Variants in SLC2A11 observed in about 807,000 individuals in gnomAD.
SLC2A11 encodes solute carrier family 2 member 11, also known as solute carrier family 2, facilitated glucose transporter member 11.
A neutral mutation model predicts 52.1 loss-of-function variants in SLC2A11; 43 were observed. That is an observed-to-expected ratio of 0.82 (90% CI 0.65 to 1.06). The LOEUF is 1.06. SLC2A11 is among the 50% of genes least tolerant of loss of function. SLC2A11 has a pLI of 0.00. For missense variants in SLC2A11, 582 were observed against 654.2 expected (o/e 0.89, Z 1.20); for synonymous variants, 261 against 277.6 (o/e 0.94, Z 0.59).
chr22:23,884,129 C>A lies in SLC2A11; in HGVS notation c.1171+105C>A. ...GTGAATGCAATGTCCCCTGCAGGCC[C>A]TCAGAGACCACCTCATGCCGGGGCT... On this transcript the variant is annotated intron_variant, in intron 10 of 11. Coordinates refer to ENST00000316185, the MANE Select transcript of SLC2A11 (RefSeq NM_001024939.4). The surrounding 1 kb of genome is among the most constrained non-coding windows in gnomAD (Gnocchi z 4.3). The A allele has an allele frequency of 6.6e-7, 1 of 1,518,738 alleles. No homozygotes were observed. The highest frequency in any genetic ancestry group is 2.3e-5 in the East Asian group (1 of 42,948). The allele number at this position is 1,518,738 out of a possible 1,614,324, so 94.1% of individuals were successfully genotyped here.
Position 23,884,988 on chromosome 22 carries a change from A to T in SLC2A11, c.*139A>T. The T allele has an allele frequency of 1.5e-6, 1 of 670,418 alleles. No individual in the cohort carries two copies. Among genetic ancestry groups the T allele is most frequent in the Non-Finnish European group, 2.5e-6 (1 of 396,564 alleles). 41.5% of individuals were successfully genotyped at this position (670,418 alleles called of 1,614,324 possible). On this transcript the variant is annotated 3_prime_UTR_variant, in exon 12 of 12. Transcript: ENST00000316185. The surrounding 1 kb of genome is among the most constrained non-coding windows in gnomAD (Gnocchi z 4.3). ...ACCCTTTGTGTGCAGACATGGCTCCAGGTGCTTAGCAATCAATGGTGAGCG... is the reference window on the plus strand; with the variant it reads ...ACCCTTTGTGTGCAGACATGGCTCCTGGTGCTTAGCAATCAATGGTGAGCG...
Position 23,884,790 on chromosome 22 carries a change from A to C in SLC2A11, c.1441A>C (p.Arg481=). Residue 481 remains arginine (R), a synonymous_variant, in exon 12 of 12, where the codon AGG becomes CGG. Transcript: ENST00000316185. The surrounding 1 kb of genome is among the most constrained non-coding windows in gnomAD (Gnocchi z 4.3). ...GGAATTACACAGACTCAACTTCCCC[A>C]GGCGGGCCCAGGGCCCCACGTGGAG... is the stretch of plus-strand genomic sequence containing the variant. ...SKELHRLNFP[R]RAQGPTWRSL... 1 of 1,614,190 alleles carries C rather than the reference A, an allele frequency of 6.2e-7. No individual in the cohort carries two copies.
rs944147096 is a variant in SLC2A11 at position 23,877,099 on chromosome 22, G to A, written c.473G>A (p.Arg158Gln). The stretch of plus-strand genomic sequence containing the variant: ...GGGGAGAGCGCCCCTAAGGAGCTCC[G>A]AGGAGCTGTGGCCATGAGCTCAGCC... ...YLGESAPKELRGAVAMSSAIF... is the reference protein window; with the variant it reads ...YLGESAPKELQGAVAMSSAIF... The change falls in exon 5 of 12, where the codon CGA becomes CAA. Residue 158 changes from arginine (R) to glutamine (Q), a missense_variant. By Grantham distance (43) the Arg-to-Gln change is conservative (BLOSUM62 1). Coordinates refer to ENST00000316185, the MANE Select transcript of SLC2A11 (RefSeq NM_001024939.4). 14 of 1,613,826 alleles carry A rather than the reference G, an allele frequency of 8.7e-6. No individual in the cohort carries two copies. In the African/African-American group the frequency reaches 9.3e-5, roughly 11 times the overall value.
intron 6 of SLC2A11, among the ~76,000 whole-genome samples, chr22:23,878,119 AAC>A (rs1244529119): frequency 2.6e-5 from 4 of 152,212 alleles, no homozygotes; most frequent in African/African-American, 4.8e-5. Flanking sequence ...GGTGCGGAGA[AAC>A]ACACGCGCAC....
intron 6 of SLC2A11, among the ~76,000 whole-genome samples, chr22:23,878,109 G>A (rs17004025): frequency 0.011 from 1,608 of 152,290 alleles, 31 homozygotes; most frequent in African/African-American, 0.036. Flanking sequence ...ACTCCAGAGC[G>A]GTGCGGAGAA....
chr22:23,868,505 A>T lies in SLC2A11; in HGVS notation c.154A>T (p.Thr52Ser). The T allele has an allele frequency of 1.2e-6, 2 of 1,614,174 alleles. No individual in the cohort carries two copies. Among genetic ancestry groups the T allele is most frequent in the Non-Finnish European group, 1.7e-6 (2 of 1,180,030 alleles). Residue 52 changes from threonine to serine, a missense_variant, in exon 3 of 12, where the codon ACA (threonine) becomes TCA (serine). Thr to Ser is a moderately conservative substitution (Grantham distance 58). Coordinates refer to ENST00000316185, the MANE Select transcript of SLC2A11 (RefSeq NM_001024939.4). ...TLHIQEFTNE[T>S]WQARTGEPLP... ...GCACATTCAGGAATTCACCAATGAG[A>T]CATGGCAGGCGCGTACTGGAGAGCC...
chr22:23,861,631 AT>A lies in SLC2A11; in HGVS notation c.31-472del, dbSNP rs200500107. Among the ~76,000 whole-genome samples, 1,033 of 152,192 alleles carry A rather than the reference AT, an allele frequency of 6.8e-3. 12 individuals carry two copies. Among genetic ancestry groups the A allele is most frequent in the African/African-American group, 0.024 (995 of 41,496 alleles). ...TCTTCTCTTAGCCTCATTGCAGAAC[AT>A]GCTGGTGGGAGGTAAGAGAGGTGGC... On this transcript the variant is annotated intron_variant, in intron 1 of 11. Coordinates refer to ENST00000316185, the MANE Select transcript of SLC2A11 (RefSeq NM_001024939.4).
At chr22:23,882,669 C>T (rs1338898758) in intron 7 of SLC2A11, 23 bp downstream of exon 7, 3 of 1,607,500 alleles carry the variant, frequency 1.9e-6, no homozygotes, top group Middle Eastern at 1.7e-4. Context: ...CCCCGCCGCA[C>T]ACCCTGGGCC....
At chr22:23,867,663 C>G in intron 2 of SLC2A11, 1 of 470,204 alleles carries the variant, frequency 2.1e-6, no homozygotes, top group Non-Finnish European at 4.4e-6. Flanking sequence ...GAATGTTCAG[C>G]CCCACTCACG....
In SLC2A11 at chr22:23,884,263, C is replaced by G; in HGVS notation, c.1172-39C>G. 1 of 1,591,628 alleles carries G rather than the reference C, an allele frequency of 6.3e-7. No individual in the cohort carries two copies. The highest frequency in any genetic ancestry group is 1.1e-5 in the South Asian group (1 of 88,128). The stretch of plus-strand genomic sequence containing the variant: ...GGGTCGGGGAGAGGCAGGCAGGGAA[C>G]CCTGGCCAGCAGCCCCCTGTCCCTG... On this transcript the variant is annotated intron_variant, in intron 10 of 11. Transcript: ENST00000316185. The surrounding 1 kb of genome is among the most constrained non-coding windows in gnomAD (Gnocchi z 4.3).
chr22:23,860,992 C>T (rs2032037226), intron 1 of SLC2A11, among the ~76,000 whole-genome samples: 1 of 151,936 alleles, frequency 6.6e-6, no homozygotes, highest in Non-Finnish European at 1.5e-5. Context: ...TCTACAGGTG[C>T]CCGCCACCAC....
At chr22:23,862,997 G>C (rs765505957) in intron 2 of SLC2A11, among the ~76,000 whole-genome samples, 1 of 152,182 alleles carries the variant, frequency 6.6e-6, no homozygotes, top group Non-Finnish European at 1.5e-5. Context: ...GAGCTATCAC[G>C]GCCTCAGCTT....
At position 23,877,814 on chromosome 22, in the gene SLC2A11, T is replaced by A; in HGVS notation, c.639T>A (p.Pro213=). The A allele has an allele frequency of 6.2e-7, 1 of 1,613,170 alleles. No individual in the cohort carries two copies. The highest frequency in any genetic ancestry group is 8.5e-7 in the Non-Finnish European group (1 of 1,179,640). The change falls in exon 6 of 12, where the codon CCT becomes CCA. Residue 213 remains proline, a synonymous_variant. Coordinates refer to ENST00000316185, the MANE Select transcript of SLC2A11 (RefSeq NM_001024939.4). The stretch of plus-strand genomic sequence containing the variant: ...AGCTCGCCTCCCTGCCTCTGCTCCC[T>A]GAAAGCCCGCGCTACCTCCTCATTG... The part of the protein sequence containing the change: ...ALQLASLPLL[P]ESPRYLLIDC...
In SLC2A11 at chr22:23,877,854, G is replaced by A. The variant is rs762055179; in HGVS notation, c.679G>A (p.Glu227Lys). The A allele has an allele frequency of 1.7e-5, 27 of 1,611,938 alleles. No individual in the cohort carries two copies. The Admixed American group carries it at 2.3e-4, about 14-fold the overall frequency. ...CCTCCTCATTGACTGTGGAGACACC[G>A]AGGCCTGCCTGGCAGGTGAGTCTCT... ...RYLLIDCGDT[E>K]ACLAALRRLR... The change falls in exon 6 of 12, where the codon GAG (glutamate) becomes AAG (lysine). Residue 227 changes from glutamate to lysine, a missense_variant. By Grantham distance (56) the Glu-to-Lys change is moderately conservative. Transcript: ENST00000316185.
chr22:23,862,085 T>C lies in SLC2A11; in HGVS notation c.31-19T>C, dbSNP rs1439822059. 6 of 1,610,182 alleles carry C rather than the reference T, an allele frequency of 3.7e-6. No individual in the cohort carries two copies. The Admixed American group carries it at 8.3e-5, about 22-fold the overall frequency. ...GGAGGCTGTTGTTGGTCACTCTGTG[T>C]TCTCTCCTCTCTCCTCAGATTCAGG... is the stretch of plus-strand genomic sequence containing the variant. On this transcript the variant is annotated intron_variant, in intron 1 of 11. Coordinates refer to ENST00000316185, the MANE Select transcript of SLC2A11 (RefSeq NM_001024939.4).
chr22:23,876,703 C>T (rs983178513), intron 4 of SLC2A11, among the ~76,000 whole-genome samples: 5 of 142,022 alleles, frequency 3.5e-5, no homozygotes, highest in Non-Finnish European at 7.4e-5. Context: ...CCTCCTCCCA[C>T]CCCCCCGCAC....
At chr22:23,882,223 G>C (rs2032836141) in intron 6 of SLC2A11, 1 of 576,120 alleles carries the variant, frequency 1.7e-6, no homozygotes, top group Non-Finnish European at 3.1e-6. Flanking sequence ...CAGACACAGA[G>C]ACAGAGAGAT....
rs979934817 is a variant in SLC2A11, at chr22:23,883,704, C to T, written c.994-68C>T. The T allele has an allele frequency of 3.8e-6, 5 of 1,332,394 alleles. No individual in the cohort carries two copies. The Admixed American group carries it at 1.1e-4, about 30-fold the overall frequency. The allele number at this position is 1,332,394 out of a possible 1,614,324, so 82.5% of individuals were successfully genotyped here. On this transcript the variant is annotated intron_variant, in intron 8 of 11. Coordinates refer to ENST00000316185, the MANE Select transcript of SLC2A11 (RefSeq NM_001024939.4). ...CACCAGCTTTCTCAGGAGACCCCTTCCCATTGCCTGCCCCAGACCTCAGGG... is the reference window on the plus strand; with the variant it reads ...CACCAGCTTTCTCAGGAGACCCCTTTCCATTGCCTGCCCCAGACCTCAGGG...
At chr22:23,859,499 T>G (rs2031976671) in intron 1 of SLC2A11, among the ~76,000 whole-genome samples, 1 of 152,168 alleles carries the variant, frequency 6.6e-6, no homozygotes, top group Non-Finnish European at 1.5e-5. Flanking sequence ...AGCATTTTTT[T>G]TTTTTTGAGA....
Sources: gnomAD v4.1 joint callset for allele counts (sites outside exome capture counted in the v4.1 genomes callset) on GRCh38, gnomAD v4.1.1 for gene constraint, Gnocchi (gnomAD v3.1) non-coding constraint, MANE v1.5 for transcripts, NCBI Gene and HGNC (gene_info 2026-07-23, HGNC 2026-07-21) for gene names.